The following ADAMTSL3 variants were observed in gnomAD, a reference collection of about 807,000 sequenced individuals.
ADAMTSL3 encodes the protein ADAMTS like 3, also known as ADAMTS-like protein 3.
ADAMTSL3 carries 128 observed loss-of-function variants against 201.7 expected under a neutral mutation model. That is an observed-to-expected ratio of 0.63 (90% CI 0.55 to 0.73). The LOEUF (loss-of-function observed/expected upper bound fraction) is 0.73. Among genes scored for constraint, ADAMTSL3 ranks in the 30% least tolerant of loss-of-function variants. The pLI, the probability that ADAMTSL3 is intolerant of heterozygous loss-of-function variation, is 0.00. For missense variants in ADAMTSL3, 1,990 were observed against 2,119.6 expected (o/e 0.94, Z 1.20); for synonymous variants, 738 against 748.4 (o/e 0.99, Z 0.23).
chr15:83,943,108 T>G, intron 19 of ADAMTSL3, 26 bp downstream of exon 19: 2 of 1,566,856 alleles, frequency 1.3e-6, no homozygotes, highest in Non-Finnish European at 1.7e-6. Flanking sequence ...AACTTTATAG[T>G]CCCTTCTTTT....
At chr15:83,852,244 C>A (rs1018160875) in intron 7 of ADAMTSL3, among the ~76,000 whole-genome samples, 1 of 152,040 alleles carries the variant, frequency 6.6e-6, no homozygotes, top group East Asian at 1.9e-4. Flanking sequence ...TCCTGAGTAG[C>A]TGGGATTGTA....
intron 21 of ADAMTSL3, among the ~76,000 whole-genome samples, chr15:83,986,735 A>T (rs1441482373): frequency 1.3e-5 from 2 of 152,242 alleles, no homozygotes; most frequent in Non-Finnish European, 2.9e-5. Flanking sequence ...GAAACTGTGT[A>T]GGCATGGAGT....
intron 10 of ADAMTSL3, 130 bp from the exon 11 acceptor site, chr15:83,889,979 G>GAT: frequency 1.0e-6 from 1 of 956,386 alleles, no homozygotes; most frequent in Non-Finnish European, 1.6e-6. Flanking sequence ...TTCTGTTATA[G>GAT]AGCCAGGGTT....
At chr15:83,812,626 T>A (rs1007709346) in intron 5 of ADAMTSL3, among the ~76,000 whole-genome samples, 4 of 151,966 alleles carry the variant, frequency 2.6e-5, no homozygotes, top group Non-Finnish European at 5.9e-5. Flanking sequence ...TTAGTGAGCC[T>A]TGGAGATCTA....
At chr15:83,806,236 C>T (rs1398882980) in intron 5 of ADAMTSL3, among the ~76,000 whole-genome samples, 1 of 143,584 alleles carries the variant, frequency 7.0e-6, no homozygotes, top group Non-Finnish European at 1.5e-5. Context: ...GCACCCTTCC[C>T]TGCAAGGAAC....
At chr15:83,872,896 T>C (rs929238063) in intron 9 of ADAMTSL3, among the ~76,000 whole-genome samples, 1 of 145,810 alleles carries the variant, frequency 6.9e-6, no homozygotes, top group Non-Finnish European at 1.5e-5. Context: ...TGTATATGTA[T>C]ATTTTTAAAA....
At chr15:83,719,345 A>G (rs1337426301) in intron 3 of ADAMTSL3, among the ~76,000 whole-genome samples, 2 of 152,222 alleles carry the variant, frequency 1.3e-5, no homozygotes, top group Admixed American at 6.5e-5. Context: ...TACAGAACCA[A>G]AAAGATTAAG....
intron 4 of ADAMTSL3, among the ~76,000 whole-genome samples, chr15:83,785,121 G>A (rs1014867374): frequency 2.0e-5 from 3 of 152,124 alleles, no homozygotes; most frequent in African/African-American, 4.8e-5. Context: ...GAATTTTAGT[G>A]TGCATATGAA....
At position 83,729,418 on chromosome 15, in the gene ADAMTSL3, TCC is replaced by T. The variant is rs1418912567; in HGVS notation, c.189+24912_189+24913del. ...GTCCCCTGTTGAGGCTATTTTTTGA[TCC>T]CATAGGCATATGTCGTTATTTTTTA... On this transcript the variant is annotated intron_variant, in intron 3 of 29. Coordinates refer to ENST00000286744, the MANE Select transcript of ADAMTSL3 (RefSeq NM_207517.3). Among the ~76,000 whole-genome samples the T allele has an allele frequency of 5.3e-5, 8 of 151,734 alleles. No homozygotes were observed. The East Asian group carries it at 1.5e-3, about 29-fold the overall frequency.
chr15:83,786,764 G>A lies in ADAMTSL3; in HGVS notation c.317+13114G>A, dbSNP rs192448259. 1.4e-3 allele frequency among the ~76,000 whole-genome samples: 215 copies of A among 152,054 alleles called. 1 individual carries two copies. Among genetic ancestry groups the A allele is most frequent in the Non-Finnish European group, 5.0e-4 (34 of 68,002 alleles). ...TATTCTTCAAGGTCATGCTCTTTTA[G>A]GAAGCCTATCTTGACTGGTTAAACT... On this transcript the variant is annotated intron_variant, in intron 4 of 29. Coordinates refer to ENST00000286744, the MANE Select transcript of ADAMTSL3 (RefSeq NM_207517.3).
intron 3 of ADAMTSL3, among the ~76,000 whole-genome samples, chr15:83,711,587 A>G (rs1008039319): frequency 6.6e-6 from 1 of 152,252 alleles, no homozygotes; most frequent in African/African-American, 2.4e-5. Flanking sequence ...TAGCGATCTA[A>G]CAAGAAAGCA....
At chr15:83,664,373 G>A (rs2061219422) in intron 2 of ADAMTSL3, among the ~76,000 whole-genome samples, 1 of 151,346 alleles carries the variant, frequency 6.6e-6, no homozygotes, top group Non-Finnish European at 1.5e-5. Context: ...ACCAATATAT[G>A]CATGAGCTAC....
intron 16 of ADAMTSL3, among the ~76,000 whole-genome samples, chr15:83,918,973 T>A (rs1441544316): frequency 1.3e-5 from 2 of 152,050 alleles, no homozygotes; most frequent in African/African-American, 4.8e-5. Context: ...AAAGGATCTG[T>A]CAGTGGAGTG....
At chr15:83,875,983 C>CT (rs1381821642) in intron 9 of ADAMTSL3, among the ~76,000 whole-genome samples, 2 of 151,770 alleles carry the variant, frequency 1.3e-5, no homozygotes, top group African/African-American at 4.8e-5. Flanking sequence ...CCTTTTCTCT[C>CT]TTTTTTTCTT....
chr15:83,792,475 T>C (rs572505336), intron 4 of ADAMTSL3, among the ~76,000 whole-genome samples: 5 of 152,186 alleles, frequency 3.3e-5, no homozygotes, highest in Non-Finnish European at 7.3e-5. Context: ...AAAAACAGTA[T>C]AAGCGTTCCT....
chr15:83,685,598 G>T (rs1438134774), intron 2 of ADAMTSL3, among the ~76,000 whole-genome samples: 2 of 151,818 alleles, frequency 1.3e-5, no homozygotes, highest in African/African-American at 2.4e-5. Flanking sequence ...TTTGTTTTTC[G>T]CCCAAAGGAA....
intron 3 of ADAMTSL3, among the ~76,000 whole-genome samples, chr15:83,744,129 C>T (rs1190083919): frequency 2.6e-5 from 4 of 151,980 alleles, no homozygotes; most frequent in African/African-American, 4.8e-5. Context: ...GGATTATAGG[C>T]GTGAGCCACT....
chr15:84,022,922 A>G (rs1029229218), intron 26 of ADAMTSL3, among the ~76,000 whole-genome samples: 16 of 152,024 alleles, frequency 1.1e-4, no homozygotes, highest in Admixed American at 8.5e-4. Flanking sequence ...TCACTTAATC[A>G]TTTCTGTTCA....
chr15:83,921,102 C>T (rs1262475031), intron 16 of ADAMTSL3, among the ~76,000 whole-genome samples: 1 of 152,146 alleles, frequency 6.6e-6, no homozygotes, highest in Non-Finnish European at 1.5e-5. Context: ...CCCTGTTCTC[C>T]CTTTTCCTGC....
Sources: allele counts gnomAD v4.1 joint callset (sites outside exome capture counted in the v4.1 genomes callset), GRCh38; gene constraint gnomAD v4.1.1; transcripts MANE v1.5; gene names NCBI Gene and HGNC (gene_info 2026-07-23, HGNC 2026-07-21).